SP100: variants seen among roughly 807,000 people sequenced by gnomAD.
SP100 encodes the protein nuclear autoantigen Sp-100.
A neutral mutation model predicts 130.0 loss-of-function variants in SP100; 84 were observed. The ratio of observed to expected loss-of-function variants is 0.65; its 90% CI spans 0.54 to 0.77. The LOEUF is 0.77. Among genes scored for constraint, SP100 ranks in the 30% least tolerant of loss-of-function variants. The pLI is 0.00. For missense variants in SP100, 978 were observed against 1,052.2 expected (o/e 0.93, Z 0.97); for synonymous variants, 331 against 351.7 (o/e 0.94, Z 0.66).
intron 24 of SP100, chr2:230,537,658 G>A (rs1489417738): frequency 1.3e-5 from 2 of 152,202 alleles, no homozygotes; most frequent in African/African-American, 4.8e-5. Context: ...TTGTAATGTG[G>A]GTTTTCAACC....
chr2:230,434,883 G>A (rs1187696956), intron 2 of SP100, among the ~76,000 whole-genome samples: 2 of 152,180 alleles, frequency 1.3e-5, no homozygotes, highest in South Asian at 2.1e-4. Flanking sequence ...CAAAAGGAGA[G>A]GAGCAAAGGA....
At chr2:230,467,068 G>T in intron 12 of SP100, 52 bp from the exon 13 acceptor site, 2 of 1,212,480 alleles carry the variant, frequency 1.6e-6, no homozygotes, top group Non-Finnish European at 1.2e-6. Flanking sequence ...TTCTGACTTG[G>T]TTCCCTTATC....
At chr2:230,509,970 C>CTTAAGGAT (rs1690453550) in intron 23 of SP100, 1 of 152,572 alleles carries the variant, frequency 6.6e-6, no homozygotes, top group Non-Finnish European at 1.5e-5. Flanking sequence ...AAGGATGAAC[C>CTTAAGGAT]TTAAGGATTC....
intron 17 of SP100, among the ~76,000 whole-genome samples, chr2:230,487,588 T>C (rs1043538851): frequency 6.6e-6 from 1 of 152,252 alleles, no homozygotes; most frequent in Non-Finnish European, 1.5e-5. Flanking sequence ...CCTTGTAGTA[T>C]AATTTGACAT....
At chr2:230,474,525 T>C (rs1260480170) in intron 17 of SP100, 78 bp downstream of exon 17, 1 of 746,792 alleles carries the variant, frequency 1.3e-6, no homozygotes, top group East Asian at 2.7e-5. Flanking sequence ...ATTATCATCA[T>C]TTTCTTTTTT....
intron 17 of SP100, among the ~76,000 whole-genome samples, chr2:230,481,941 C>G (rs762692132): frequency 3.3e-5 from 5 of 152,084 alleles, no homozygotes; most frequent in Non-Finnish European, 5.9e-5. Flanking sequence ...CATGGAGAGG[C>G]CTTGCCTGAT....
chr2:230,461,491 C>T (rs2064630954), intron 9 of SP100, 77 bp downstream of exon 9: 3 of 1,462,154 alleles, frequency 2.1e-6, no homozygotes, highest in Admixed American at 1.8e-5. Context: ...CATCACGGAC[C>T]ATCGGGGCAG....
In SP100 at chr2:230,469,803, C is replaced by T. The variant is rs867343735; in HGVS notation, c.1346-212C>T. 4.2e-6 allele frequency: 6 copies of T among 1,437,136 alleles called. No homozygotes were observed. The African/African-American group carries it at 8.7e-5, about 21-fold the overall frequency. 89.0% of individuals were successfully genotyped at this position (1,437,136 alleles called of 1,614,324 possible). A position where few individuals can be genotyped will look rare whatever the true frequency, so the allele number is the denominator to read the frequency against. On this transcript the variant is annotated intron_variant, in intron 14 of 28. Transcript: ENST00000340126. ...GTTAAAAAAAAAAAAGAAGAAGAAA[C>T]AATGTCATCCCCAGCCCCAGCCTCA... is the stretch of plus-strand genomic sequence containing the variant.
chr2:230,506,589 C>T (rs1690122884), intron 22 of SP100, 144 bp downstream of exon 22: 2 of 714,948 alleles, frequency 2.8e-6, no homozygotes, highest in Non-Finnish European at 4.6e-6. Flanking sequence ...TACTAACGTT[C>T]TCACCTGAAC....
Position 230,515,447 on chromosome 2 carries a change from A to G in SP100, c.2094+4281A>G, listed in dbSNP as rs751402823. On this transcript the variant is annotated intron_variant, in intron 24 of 28. Coordinates refer to ENST00000340126, the MANE Select transcript of SP100 (RefSeq NM_001080391.2). ...AATAACACCGCTGCAGCTGACAAGC[A>G]GTTTTATGAAAAGAAGGCTGCAAAG... 18 of 1,613,786 alleles carry G rather than the reference A, an allele frequency of 1.1e-5. No homozygotes were observed. In the South Asian group the frequency reaches 1.4e-4, roughly 13 times the overall value.
intron 8 of SP100, among the ~76,000 whole-genome samples, chr2:230,452,258 A>T (rs1383677407): frequency 1.3e-5 from 2 of 151,516 alleles, no homozygotes; most frequent in Non-Finnish European, 2.9e-5. Flanking sequence ...GCTCACTGCA[A>T]CCTCTACCTC....
chr2:230,422,896 C>T (rs72495185), intron 2 of SP100, among the ~76,000 whole-genome samples: 20,086 of 152,130 alleles, frequency 0.13, 1,720 homozygotes, highest in Non-Finnish European at 0.19. Flanking sequence ...TTTTACCTCA[C>T]GTGTTTATAA....
intron 2 of SP100, chr2:230,440,657 A>G (rs2063440642): frequency 8.8e-7 from 1 of 1,136,682 alleles, no homozygotes; most frequent in Non-Finnish European, 1.1e-6. Context: ...AATCCAAAAA[A>G]AAGTCCTAAA....
chr2:230,505,466 G>C (rs970558875), intron 21 of SP100, among the ~76,000 whole-genome samples: 1 of 152,184 alleles, frequency 6.6e-6, no homozygotes, highest in Admixed American at 6.5e-5. Flanking sequence ...TATACCAAGA[G>C]TGTCTGATTC....
At chr2:230,473,556 C>A in intron 16 of SP100, 116 bp downstream of exon 16, 1 of 591,602 alleles carries the variant, frequency 1.7e-6, no homozygotes, top group Admixed American at 2.6e-5. Context: ...CTCTGGATCA[C>A]CAACAGGAAG....
chr2:230,494,474 T>C lies in SP100; in HGVS notation c.1645+14T>C, dbSNP rs1331417694. 1.9e-6 allele frequency: 3 copies of C among 1,597,790 alleles called. No individual in the cohort carries two copies. Among genetic ancestry groups the C allele is most frequent in the Non-Finnish European group, 2.6e-6 (3 of 1,165,240 alleles). On this transcript the variant is annotated intron_variant, in intron 18 of 28. Transcript: ENST00000340126. ...GTCTCCAAAGAGGTAAGAAGAAATG[T>C]GGGGATTTACTCCTTTGAACTCGCT...
chr2:230,495,762 T>TA (rs1237646928), intron 18 of SP100, among the ~76,000 whole-genome samples: 1 of 152,226 alleles, frequency 6.6e-6, no homozygotes, highest in Non-Finnish European at 1.5e-5. Context: ...CCATTCTACT[T>TA]ATGCTTCTCT....
chr2:230,469,067 C>A lies in SP100; in HGVS notation c.1316C>A (p.Ser439Tyr). ...GCTCCTATGACTTCTAGAAGTACAT[C>A]TACTTGGAGAATACCCAGCAGGAAG... ...EKAPMTSRST[S>Y]TWRIPSRKRR... The change falls in exon 14 of 29, where the codon TCT becomes TAT. Residue 439 changes from serine (S) to tyrosine (Y), a missense_variant. Ser to Tyr is a moderately radical substitution (Grantham distance 144). Transcript: ENST00000340126. 6.3e-7 allele frequency: 1 copy of A among 1,597,826 alleles called. No homozygotes were observed. Among genetic ancestry groups the A allele is most frequent in the Non-Finnish European group, 8.6e-7 (1 of 1,167,478 alleles).
chr2:230,500,846 G>A (rs911233023), intron 19 of SP100, among the ~76,000 whole-genome samples: 1 of 152,112 alleles, frequency 6.6e-6, no homozygotes, highest in Admixed American at 6.6e-5. Context: ...GAAACTGATC[G>A]ATCTAGAGCA....
Sources: allele counts gnomAD v4.1 joint callset (sites outside exome capture counted in the v4.1 genomes callset), GRCh38; gene constraint gnomAD v4.1.1; transcripts MANE v1.5; gene names NCBI Gene and HGNC (gene_info 2026-07-23, HGNC 2026-07-21).